Variants in AIDA observed in about 807,000 individuals in gnomAD.
AIDA encodes the protein axin interactor, dorsalization associated, also known as axin interactor, dorsalization-associated protein.
AIDA carries 18 observed loss-of-function variants against 42.7 expected under a neutral mutation model. That is an observed-to-expected ratio of 0.42 (90% CI 0.29 to 0.63). AIDA has a LOEUF of 0.63. AIDA is among the 20% of genes least tolerant of loss of function. The pLI, the probability that AIDA is intolerant of heterozygous loss-of-function variation, is 0.19. For synonymous variants in AIDA, 104 were observed against 122.9 expected (o/e 0.85, Z 1.02); for missense variants, 250 against 354.1 (o/e 0.71, Z 2.36).
At chr1:222,686,828 A>C in intron 6 of AIDA, 102 bp downstream of exon 6, 1 of 1,384,668 alleles carries the variant, frequency 7.2e-7, no homozygotes, top group Non-Finnish European at 9.8e-7. Flanking sequence ...CATGAGCTTT[A>C]GAGTGGTTGT....
chr1:222,686,273 T>C (rs1253450201), intron 6 of AIDA, among the ~76,000 whole-genome samples: 2 of 152,212 alleles, frequency 1.3e-5, no homozygotes, highest in Non-Finnish European at 2.9e-5. Flanking sequence ...GGTCAGCCCA[T>C]GGCTGGCATC....
intron 5 of AIDA, among the ~76,000 whole-genome samples, chr1:222,687,292 G>A (rs898069169): frequency 6.6e-6 from 1 of 152,052 alleles, no homozygotes; most frequent in African/African-American, 2.4e-5. Context: ...TTAGCTGGGC[G>A]TGGCATCGTG....
intron 6 of AIDA, among the ~76,000 whole-genome samples, chr1:222,681,650 G>A (rs961578578): frequency 5.9e-5 from 9 of 152,112 alleles, no homozygotes; most frequent in Non-Finnish European, 8.8e-5. Flanking sequence ...GCGACAGAGC[G>A]AGACTGTCTC....
At chr1:222,707,742 G>GT (rs1258037358) in intron 1 of AIDA, among the ~76,000 whole-genome samples, 5 of 152,172 alleles carry the variant, frequency 3.3e-5, no homozygotes, top group African/African-American at 4.8e-5. Flanking sequence ...ACATACACAA[G>GT]TAACTCCTGG....
chr1:222,697,443 C>T (rs905900972), intron 2 of AIDA, among the ~76,000 whole-genome samples: 3 of 150,134 alleles, frequency 2.0e-5, no homozygotes, highest in Non-Finnish European at 4.4e-5. Flanking sequence ...AATTGTTTCA[C>T]TTTTCTTAGA....
chr1:222,684,151 A>G (rs1393830550), intron 6 of AIDA, among the ~76,000 whole-genome samples: 1 of 151,272 alleles, frequency 6.6e-6, no homozygotes, highest in Non-Finnish European at 1.5e-5. Context: ...GGCTGTTGTT[A>G]GCCTGGGTTG....
chr1:222,709,432 GA>G (rs146444272), intron 1 of AIDA, among the ~76,000 whole-genome samples: 5,676 of 151,960 alleles, frequency 0.037, 142 homozygotes, highest in East Asian at 0.13. Context: ...CTCTGTCTCA[GA>G]AAAAACAAAA....
chr1:222,706,476 A>T (rs1655840447), intron 1 of AIDA, among the ~76,000 whole-genome samples: 1 of 152,182 alleles, frequency 6.6e-6, no homozygotes, highest in Non-Finnish European at 1.5e-5. Context: ...CATAAAAGGT[A>T]GTATTACACA....
At chr1:222,709,060 A>C (rs35684750) in intron 1 of AIDA, among the ~76,000 whole-genome samples, 40,328 of 152,094 alleles carry the variant, frequency 0.27, 8,147 homozygotes, top group African/African-American at 0.57. Flanking sequence ...CTGCAACATA[A>C]GCCCATACTT....
chr1:222,702,074 C>CA, intron 2 of AIDA, among the ~76,000 whole-genome samples: 1 of 151,432 alleles, frequency 6.6e-6, no homozygotes, highest in South Asian at 2.1e-4. Flanking sequence ...TTTTTAAATA[C>CA]AAAATAAAAA....
rs767632965 is a variant in AIDA, at chr1:222,673,434, A to T, written c.585T>A (p.Asp195Glu). Residue 195 changes from aspartate to glutamate, a missense_variant and splice_region_variant, in exon 8 of 10, where the codon GAT (aspartate) becomes GAA (glutamate). This residue lies in a region of AIDA where 199 missense variants were observed against 232.6 expected (regional missense o/e 0.86). Coordinates refer to ENST00000340020, the MANE Select transcript of AIDA (RefSeq NM_022831.4). ...IDPYITVSVKDLNGIDLTPVQ... is the reference protein window; with the variant it reads ...IDPYITVSVKELNGIDLTPVQ... The stretch of plus-strand genomic sequence containing the variant: ...CAGGAGTTAAGTCTATGCCATTCAG[A>T]TCTAAAGAGAAAAGAAGTTTCTCTT... 3.8e-6 allele frequency: 6 copies of T among 1,566,384 alleles called. No homozygotes were observed. Among genetic ancestry groups the T allele is most frequent in the Non-Finnish European group, 5.2e-6 (6 of 1,158,370 alleles).
chr1:222,706,796 A>G (rs1263965135), intron 1 of AIDA, among the ~76,000 whole-genome samples: 1 of 148,844 alleles, frequency 6.7e-6, no homozygotes, highest in Non-Finnish European at 1.5e-5. Flanking sequence ...TGGAGGTTGC[A>G]GTGAGCCTAG....
At chr1:222,674,550 A>C (rs1312612541) in intron 7 of AIDA, among the ~76,000 whole-genome samples, 1 of 152,208 alleles carries the variant, frequency 6.6e-6, no homozygotes, top group Non-Finnish European at 1.5e-5. Flanking sequence ...AAGTCAAAGG[A>C]CCAAAAATGG....
At chr1:222,691,622 C>G (rs978750282) in intron 4 of AIDA, among the ~76,000 whole-genome samples, 3 of 152,032 alleles carry the variant, frequency 2.0e-5, no homozygotes, top group Admixed American at 6.6e-5. Context: ...TTCTAAACTT[C>G]GTACATGATA....
intron 6 of AIDA, among the ~76,000 whole-genome samples, chr1:222,677,333 T>G (rs1490432517): frequency 6.6e-6 from 1 of 152,196 alleles, no homozygotes; most frequent in Non-Finnish European, 1.5e-5. Flanking sequence ...TTCTCTTTCA[T>G]GTTCTAAATA....
rs767171063 is a variant in AIDA at position 222,687,600 on chromosome 1, T to A, written c.348A>T (p.Pro116=). The A allele has an allele frequency of 6.7e-7, 1 of 1,492,962 alleles. No homozygotes were observed. The highest frequency in any genetic ancestry group is 2.1e-5 in the Admixed American group (1 of 48,730). 92.5% of individuals were successfully genotyped at this position (1,492,962 alleles called of 1,614,324 possible). A position where few individuals can be genotyped will look rare whatever the true frequency, so the allele number is the denominator to read the frequency against. ...KEFPFDVQPV[P]LRRILAPGEE... is the part of the protein sequence containing the mutation. ...AATATAAATGTTTCTTTTACCTTAA[T>A]GGGACAGGCTGAACATCAAATGGGA... The change falls in exon 5 of 10, where the codon CCA becomes CCT. Residue 116 remains proline, a synonymous_variant. Coordinates refer to ENST00000340020, the MANE Select transcript of AIDA (RefSeq NM_022831.4).
chr1:222,670,709 G>T (rs1192356863), intron 8 of AIDA, among the ~76,000 whole-genome samples: 1 of 152,152 alleles, frequency 6.6e-6, no homozygotes, highest in Non-Finnish European at 1.5e-5. Context: ...AATCTTGGGG[G>T]TATTTTGGAA....
intron 7 of AIDA, 23 bp downstream of exon 7, chr1:222,676,073 A>T: frequency 6.5e-7 from 1 of 1,530,736 alleles, no homozygotes; most frequent in Non-Finnish European, 8.7e-7. Flanking sequence ...CCTGAGAAAA[A>T]AAAAGTAAAC....
chr1:222,700,107 T>A (rs769745517), intron 2 of AIDA, among the ~76,000 whole-genome samples: 4 of 152,156 alleles, frequency 2.6e-5, no homozygotes, highest in Non-Finnish European at 5.9e-5. Flanking sequence ...ATTCACAATG[T>A]AGTATACAGT....
Sources: allele counts gnomAD v4.1 joint callset (sites outside exome capture counted in the v4.1 genomes callset), GRCh38; gene constraint gnomAD v4.1.1; regional missense constraint gnomAD v4.1.1; transcripts MANE v1.5; gene names NCBI Gene and HGNC (gene_info 2026-07-23, HGNC 2026-07-21).